EPHB6: variants seen among roughly 807,000 people sequenced by gnomAD.
The protein encoded by EPHB6 is EPH receptor B6.
EPHB6 carries 51 observed loss-of-function variants against 107.0 expected under a neutral mutation model. That is an observed-to-expected ratio of 0.48 (90% CI 0.38 to 0.60). EPHB6 has a LOEUF of 0.60. Ranked by LOEUF, EPHB6 falls within the 20% of genes least tolerant of loss-of-function variation. The probability of loss-of-function intolerance (pLI) is 0.00; values close to 1 mark genes in which losing one functional copy is unlikely to be tolerated. For missense variants in EPHB6, 1,141 were observed against 1,355.5 expected (o/e 0.84, Z 2.48); for synonymous variants, 553 against 549.0 (o/e 1.01, Z -0.10).
At position 142,870,986 on chromosome 7, in the gene EPHB6, T is replaced by A; in HGVS notation, c.*82T>A. The A allele has an allele frequency of 7.4e-7, 1 of 1,343,768 alleles. No homozygotes were observed. Among genetic ancestry groups the A allele is most frequent in the African/African-American group, 1.5e-5 (1 of 67,590 alleles). The allele number at this position is 1,343,768 out of a possible 1,614,324, so 83.2% of individuals were successfully genotyped here. On this transcript the variant is annotated 3_prime_UTR_variant, in exon 20 of 20. Transcript: ENST00000652003. The stretch of plus-strand genomic sequence containing the variant: ...ACGTGAGCCGGGCTCCAACAGCCTC[T>A]GTGAGAGATGCCCCACACCAAACCC...
rs1563343685 is a variant in EPHB6, at chr7:142,866,617, G to T, written c.1587+12G>T. Reference sequence around the variant, plus strand: ...GCTACTATGACCAGGTGCGCAGGAGGAGTGGGGGTTCCGCAGTAGGGCTGG... The same window carrying T: ...GCTACTATGACCAGGTGCGCAGGAGTAGTGGGGGTTCCGCAGTAGGGCTGG... On this transcript the variant is annotated intron_variant, in intron 10 of 19. Transcript: ENST00000652003. The surrounding 1 kb of genome is among the most constrained non-coding windows in gnomAD (Gnocchi z 5.2). 2 of 1,613,940 alleles carry T rather than the reference G, an allele frequency of 1.2e-6. No homozygotes were observed. Among genetic ancestry groups the T allele is most frequent in the African/African-American group, 2.7e-5 (2 of 75,040 alleles).
chr7:142,864,568 G>A lies in EPHB6; in HGVS notation c.768G>A (p.Leu256=), dbSNP rs755759553. The A allele has an allele frequency of 6.2e-7, 1 of 1,613,098 alleles. No individual in the cohort carries two copies. Among genetic ancestry groups the A allele is most frequent in the Non-Finnish European group, 8.5e-7 (1 of 1,179,894 alleles). ...CCAGTGGGGCTGGGGGGGCCTCCCT[G>A]GTGGCAGCTGTGGGCACCTGTGTGG... is the stretch of plus-strand genomic sequence containing the variant. ...TQASGAGGAS[L]VAAVGTCVAH... Residue 256 remains leucine (L), a synonymous_variant, in exon 7 of 20, where the codon CTG becomes CTA. Transcript: ENST00000652003.
rs760701104 is a variant in EPHB6 at position 142,863,199 on chromosome 7, G to T, written c.-29G>T. On this transcript the variant is annotated 5_prime_UTR_variant, in exon 5 of 20. Coordinates refer to ENST00000652003, the MANE Select transcript of EPHB6 (RefSeq NM_004445.6). ...CACCCAGGAGCAGGGTGGTGGCTGG[G>T]GCGATGGTGGACGCCCTGAAGATGT... The T allele has an allele frequency of 3.7e-6, 6 of 1,606,394 alleles. No individual in the cohort carries two copies. Among genetic ancestry groups the T allele is most frequent in the Non-Finnish European group, 5.1e-6 (6 of 1,173,280 alleles).
At position 142,868,142 on chromosome 7, in the gene EPHB6, T is replaced by C; in HGVS notation, c.1918+93T>C. On this transcript the variant is annotated intron_variant, in intron 13 of 19. Coordinates refer to ENST00000652003, the MANE Select transcript of EPHB6 (RefSeq NM_004445.6). The surrounding 1 kb of genome is among the most constrained non-coding windows in gnomAD (Gnocchi z 4.2). ...TGGATCCCCCCAAGATTGGGGGAGC[T>C]CCTTGGCACAACCTTCTGGAGGTAA... 1 of 1,613,598 alleles carries C rather than the reference T, an allele frequency of 6.2e-7. No homozygotes were observed. The highest frequency in any genetic ancestry group is 8.5e-7 in the Non-Finnish European group (1 of 1,179,694).
Position 142,867,601 on chromosome 7 carries a change from C to T in EPHB6, c.1751-7C>T. On this transcript the variant is annotated splice_region_variant and splice_polypyrimidine_tract_variant and intron_variant, in intron 11 of 19. Transcript: ENST00000652003. This position sits in a 1 kb window ranked among gnomAD's most constrained non-coding sequence, Gnocchi z 5.3. ...CCCACCTGTGACCCTGTCGGCTGGTCCCCCAGGGGAGCTGTCTTCCCAGCT... is the reference window on the plus strand; with the variant it reads ...CCCACCTGTGACCCTGTCGGCTGGTTCCCCAGGGGAGCTGTCTTCCCAGCT... 2.5e-6 allele frequency: 4 copies of T among 1,608,952 alleles called. No homozygotes were observed. Among genetic ancestry groups the T allele is most frequent in the Non-Finnish European group, 3.4e-6 (4 of 1,178,110 alleles).
chr7:142,868,941 C>T lies in EPHB6; in HGVS notation c.2287-33C>T. On this transcript the variant is annotated intron_variant, in intron 15 of 19. Coordinates refer to ENST00000652003, the MANE Select transcript of EPHB6 (RefSeq NM_004445.6). This position sits in a 1 kb window ranked among gnomAD's most constrained non-coding sequence, Gnocchi z 4.2. ...GTTGAGGTCTCCCCCTGTCTCCGAT[C>T]ACTGACCTCTGCCCCCTGCCCCTTC... 6.2e-7 allele frequency: 1 copy of T among 1,602,620 alleles called. No homozygotes were observed. Among genetic ancestry groups the T allele is most frequent in the Non-Finnish European group, 8.5e-7 (1 of 1,178,718 alleles).
At position 142,858,521 on chromosome 7, in the gene EPHB6, T is replaced by C. The variant is rs187944820; in HGVS notation, c.-431-2531T>C. 1.0e-4 allele frequency among the ~76,000 whole-genome samples: 14 copies of C among 134,928 alleles called. No individual in the cohort carries two copies. In the South Asian group the frequency reaches 1.0e-3, roughly 10 times the overall value. The allele number at this position is 134,928 out of a possible 152,430, so 88.5% of individuals were successfully genotyped here. A position where few individuals can be genotyped will look rare whatever the true frequency, so the allele number is the denominator to read the frequency against. On this transcript the variant is annotated intron_variant, in intron 1 of 19. Coordinates refer to ENST00000652003, the MANE Select transcript of EPHB6 (RefSeq NM_004445.6). ...CACGATCTCGGCTCACTGCAAGCTC[T>C]GCCTCCCGGGTTCACGCCATTCTCC... is the stretch of plus-strand genomic sequence containing the variant.
In EPHB6 at chr7:142,866,875, C is replaced by A; in HGVS notation, c.1588-31C>A. 6.2e-7 allele frequency: 1 copy of A among 1,613,960 alleles called. No individual in the cohort carries two copies. Among genetic ancestry groups the A allele is most frequent in the Admixed American group, 1.7e-5 (1 of 60,006 alleles). On this transcript the variant is annotated intron_variant, in intron 10 of 19. Coordinates refer to ENST00000652003, the MANE Select transcript of EPHB6 (RefSeq NM_004445.6). This position sits in a 1 kb window ranked among gnomAD's most constrained non-coding sequence, Gnocchi z 5.2. ...GGCAGAAGCAGGGGCAAGAGGGGGC[C>A]AGGCAGGGAGTGAGTGGCTGTTACC... is the stretch of plus-strand genomic sequence containing the variant.
intron 6 of EPHB6, 87 bp from the exon 7 acceptor site, chr7:142,863,879 G>A: frequency 1.9e-6 from 3 of 1,582,460 alleles, no homozygotes; most frequent in Non-Finnish European, 2.6e-6. Context: ...AAGTCTCAGT[G>A]GAAGAGATAT....
chr7:142,870,150 C>T (rs1794828500), intron 17 of EPHB6, 64 bp from the exon 18 acceptor site: 3 of 1,607,662 alleles, frequency 1.9e-6, no homozygotes, highest in South Asian at 1.1e-5. Flanking sequence ...ACCCTCTTAC[C>T]CAACAAAGTA....
At chr7:142,865,908 C>T in intron 8 of EPHB6, 52 bp from the exon 9 acceptor site, 2 of 1,575,342 alleles carry the variant, frequency 1.3e-6, no homozygotes, top group Non-Finnish European at 8.7e-7. Context: ...CCTCAATCAC[C>T]CCCACTGCTG....
At chr7:142,865,257 C>T (rs1803088003) in intron 7 of EPHB6, among the ~76,000 whole-genome samples, 1 of 152,194 alleles carries the variant, frequency 6.6e-6, no homozygotes, top group South Asian at 2.1e-4. Flanking sequence ...CCCCACTGCA[C>T]CTCACTTTCT....
At chr7:142,864,790 C>A in intron 7 of EPHB6, 41 bp downstream of exon 7, 1 of 1,610,788 alleles carries the variant, frequency 6.2e-7, no homozygotes, top group Non-Finnish European at 8.5e-7. Flanking sequence ...ACACCTCCCA[C>A]CCACCCCCAG....
Position 142,863,659 on chromosome 7 carries a change from A to G in EPHB6, c.129A>G (p.Thr43=). Residue 43 remains threonine (T), a synonymous_variant, in exon 6 of 20, where the codon ACA becomes ACG. Transcript: ENST00000652003. The part of the protein sequence containing the change: ...EEVLLDTTGE[T]SEIGWLTYPP... ...TATTGCTGGACACCACCGGAGAGACATCTGAGATTGGCTGGCTCACCTACC... is the reference window on the plus strand; with the variant it reads ...TATTGCTGGACACCACCGGAGAGACGTCTGAGATTGGCTGGCTCACCTACC... 8 of 1,613,954 alleles carry G rather than the reference A, an allele frequency of 5.0e-6. No individual in the cohort carries two copies. The highest frequency in any genetic ancestry group is 6.8e-6 in the Non-Finnish European group (8 of 1,179,994).
Position 142,869,105 on chromosome 7 carries a change from C to T in EPHB6, c.2418C>T (p.Ser806=). 1 of 1,613,732 alleles carries T rather than the reference C, an allele frequency of 6.2e-7. No individual in the cohort carries two copies. The change falls in exon 16 of 20, where the codon AGC becomes AGT. Residue 806 remains serine, a synonymous_variant. Transcript: ENST00000652003. The surrounding 1 kb of genome is among the most constrained non-coding windows in gnomAD (Gnocchi z 4.5). ...CTGCCCACAGCGTGCTGGTGAATAG[C>T]CACTTGGTGTGCAAGGTGGCCCGTC... The part of the protein sequence containing the change: ...SLSAHSVLVN[S]HLVCKVARLG...
Position 142,869,003 on chromosome 7 carries a change from G to A in EPHB6, c.2316G>A (p.Gln772=). 2 of 1,611,396 alleles carry A rather than the reference G, an allele frequency of 1.2e-6. No homozygotes were observed. The highest frequency in any genetic ancestry group is 2.7e-5 in the African/African-American group (2 of 75,050). The change falls in exon 16 of 20, where the codon CAG becomes CAA. Residue 772 remains glutamine, a synonymous_variant. Coordinates refer to ENST00000652003, the MANE Select transcript of EPHB6 (RefSeq NM_004445.6). The surrounding 1 kb of genome is among the most constrained non-coding windows in gnomAD (Gnocchi z 4.5). The part of the protein sequence containing the change: ...RQREGQFSSL[Q]LVAMQRGVAA... ...GGGAGGGCCAGTTCAGCAGCCTGCA[G>A]CTGGTGGCCATGCAGCGGGGAGTGG...
chr7:142,870,712 C>T (rs1344882387), intron 19 of EPHB6, 27 bp downstream of exon 19: 4 of 1,613,990 alleles, frequency 2.5e-6, no homozygotes, highest in Admixed American at 1.7e-5. Context: ...GGGGTGGGGG[C>T]GAATGCTCCA....
At chr7:142,863,750 C>T (rs570343598) in intron 6 of EPHB6, 55 bp downstream of exon 6, 7 of 1,580,462 alleles carry the variant, frequency 4.4e-6, no homozygotes, top group Non-Finnish European at 6.1e-6. Flanking sequence ...CCTCCCTGTT[C>T]CCTGGAGAGT....
chr7:142,864,653 C>T lies in EPHB6; in HGVS notation c.853C>T (p.Leu285=). The part of the protein sequence containing the change: ...GGQAGGSPPR[L]HCNGEGKWMV... ...CCAGGCAGGAGGCAGCCCCCCCAGG[C>T]TGCACTGCAACGGGGAGGGCAAGTG... The change falls in exon 7 of 20, where the codon CTG becomes TTG. Residue 285 remains leucine (L), a synonymous_variant. Transcript: ENST00000652003. 1 of 1,612,838 alleles carries T rather than the reference C, an allele frequency of 6.2e-7. No individual in the cohort carries two copies. The highest frequency in any genetic ancestry group is 8.5e-7 in the Non-Finnish European group (1 of 1,179,876).
Sources: gnomAD v4.1 joint callset for allele counts (sites outside exome capture counted in the v4.1 genomes callset) on GRCh38, gnomAD v4.1.1 for gene constraint, Gnocchi (gnomAD v3.1) non-coding constraint, MANE v1.5 for transcripts, NCBI Gene and HGNC (gene_info 2026-07-23, HGNC 2026-07-21) for gene names.